The following TMEM181 variants were observed in gnomAD, a reference collection of about 807,000 sequenced individuals.
The protein encoded by TMEM181 is G protein-coupled receptor 178.
In TMEM181, 39 loss-of-function variants were observed where a neutral mutation model predicts 71.9. The observed-to-expected ratio is 0.54, with a 90% CI of 0.42 to 0.71. TMEM181 has a LOEUF of 0.71. Among genes scored for constraint, TMEM181 ranks in the 30% least tolerant of loss-of-function variants. The probability of loss-of-function intolerance (pLI) is 0.00; values close to 1 mark genes in which losing one functional copy is unlikely to be tolerated. For synonymous variants in TMEM181, 245 were observed against 228.8 expected, an observed-to-expected ratio of 1.07 and a Z score of -0.64; for missense variants, 595 against 583.0, an observed-to-expected ratio of 1.02 and a Z score of -0.21.
intron 1 of TMEM181, among the ~76,000 whole-genome samples, chr6:158,548,665 T>G (rs1781620019): frequency 6.6e-6 from 1 of 152,178 alleles, no homozygotes; most frequent in Admixed American, 6.5e-5. Flanking sequence ...GGTGTCTTAT[T>G]GTGAGGCAGC....
chr6:158,579,670 G>C (rs540758158), intron 2 of TMEM181, among the ~76,000 whole-genome samples: 7 of 152,238 alleles, frequency 4.6e-5, no homozygotes, highest in Non-Finnish European at 7.4e-5. Flanking sequence ...AGTGAGCCGA[G>C]ATCCTGCCAT....
At chr6:158,611,273 C>T in intron 10 of TMEM181, 1 of 497,764 alleles carries the variant, frequency 2.0e-6, no homozygotes, top group Non-Finnish European at 4.1e-6. Flanking sequence ...TCAGTCTTGG[C>T]TGGTCCTTCA....
At chr6:158,629,264 C>G (rs755063415) in intron 14 of TMEM181, among the ~76,000 whole-genome samples, 20 of 152,176 alleles carry the variant, frequency 1.3e-4, no homozygotes, top group Non-Finnish European at 2.1e-4. Context: ...GACTGAATTT[C>G]ACACTAAGCT....
Position 158,585,413 on chromosome 6 carries a change from C to T in TMEM181, c.369C>T (p.Leu123=). 1.2e-6 allele frequency: 2 copies of T among 1,608,498 alleles called. No homozygotes were observed. The highest frequency in any genetic ancestry group is 2.2e-5 in the East Asian group (1 of 44,574). Residue 123 remains leucine, a synonymous_variant, in exon 5 of 17, where the codon CTC becomes CTT. Coordinates refer to ENST00000684151, the MANE Select transcript of TMEM181 (RefSeq NM_001376852.1). ...HNKVHNRTRT[L]TCAGKCAEII... is the part of the protein sequence containing the mutation. ...AAGTTCACAACCGGACAAGGACCCT[C>T]ACATGTGCAGGGGTGAGTGTGTGGG...
chr6:158,573,562 C>T (rs1365150304), intron 2 of TMEM181, 39 bp downstream of exon 2: 14 of 1,517,076 alleles, frequency 9.2e-6, no homozygotes, highest in East Asian at 7.2e-5. Context: ...TTTTGCCATG[C>T]GCGGTGGCCC....
chr6:158,566,810 T>C (rs1289399218), intron 1 of TMEM181, among the ~76,000 whole-genome samples: 1 of 151,966 alleles, frequency 6.6e-6, no homozygotes, highest in African/African-American at 2.4e-5. Flanking sequence ...TTCCAGCTCC[T>C]GTCTCATTTG....
At chr6:158,585,950 A>C (rs1400013545) in intron 5 of TMEM181, among the ~76,000 whole-genome samples, 1 of 152,100 alleles carries the variant, frequency 6.6e-6, no homozygotes, top group Non-Finnish European at 1.5e-5. Context: ...TTAACTTCCC[A>C]AGTAACTGGG....
chr6:158,569,351 C>T (rs532566984), intron 1 of TMEM181, among the ~76,000 whole-genome samples: 1 of 152,346 alleles, frequency 6.6e-6, no homozygotes, highest in Admixed American at 6.5e-5. Flanking sequence ...CGCCCACCCT[C>T]TCACCCACGA....
intron 2 of TMEM181, among the ~76,000 whole-genome samples, chr6:158,574,063 C>A (rs1783027406): frequency 6.9e-6 from 1 of 145,538 alleles, no homozygotes; most frequent in Non-Finnish European, 1.5e-5. Context: ...GTGTCTTCAG[C>A]CCCGTGCAGA....
At chr6:158,614,890 A>G (rs1254363745) in intron 10 of TMEM181, among the ~76,000 whole-genome samples, 2 of 152,162 alleles carry the variant, frequency 1.3e-5, no homozygotes, top group African/African-American at 2.4e-5. Flanking sequence ...TCTATCATTG[A>G]TGAACATTTG....
At chr6:158,575,820 T>TC (rs1315477208) in intron 2 of TMEM181, among the ~76,000 whole-genome samples, 1 of 152,196 alleles carries the variant, frequency 6.6e-6, no homozygotes, top group Non-Finnish European at 1.5e-5. Flanking sequence ...TTGTATTTCC[T>TC]CCTTTTGAGT....
intron 10 of TMEM181, chr6:158,610,575 G>A: frequency 2.3e-6 from 1 of 427,242 alleles, no homozygotes; most frequent in Non-Finnish European, 3.8e-6. Context: ...GGACACAGAG[G>A]CATCTCCTCT....
At chr6:158,624,188 C>T (rs1786134316) in intron 11 of TMEM181, among the ~76,000 whole-genome samples, 1 of 152,212 alleles carries the variant, frequency 6.6e-6, no homozygotes. Flanking sequence ...GGAGAACCAG[C>T]CATGTGGGCT....
At chr6:158,567,798 A>C (rs1027684023) in intron 1 of TMEM181, among the ~76,000 whole-genome samples, 6 of 152,224 alleles carry the variant, frequency 3.9e-5, no homozygotes, top group Non-Finnish European at 8.8e-5. Context: ...AAGGGGTTGC[A>C]GTAGTACCTA....
At chr6:158,617,092 G>A (rs1045250427) in intron 10 of TMEM181, among the ~76,000 whole-genome samples, 5 of 152,156 alleles carry the variant, frequency 3.3e-5, no homozygotes, top group African/African-American at 4.8e-5. Flanking sequence ...GGTAGAATTC[G>A]GCTGTGAATC....
chr6:158,583,971 A>G lies in TMEM181; in HGVS notation c.186A>G (p.Ile62Met), dbSNP rs1783617489. 6.2e-7 allele frequency: 1 copy of G among 1,606,394 alleles called. No homozygotes were observed. The highest frequency in any genetic ancestry group is 1.7e-5 in the Admixed American group (1 of 59,156). Residue 62 changes from isoleucine (I) to methionine (M), a missense_variant, in exon 4 of 17, where the codon ATA becomes ATG. Coordinates refer to ENST00000684151, the MANE Select transcript of TMEM181 (RefSeq NM_001376852.1). ...TTCTTCAGCTAAAGCCAATTCAAATACTTTCAAATCCACTGTCTACATACA... is the reference window on the plus strand; with the variant it reads ...TTCTTCAGCTAAAGCCAATTCAAATGCTTTCAAATCCACTGTCTACATACA... The part of the protein sequence containing the change: ...NNSKKLKPIQ[I>M]LSNPLSTYNQ...
intron 10 of TMEM181, among the ~76,000 whole-genome samples, chr6:158,618,907 C>T (rs1414502721): frequency 1.3e-5 from 2 of 152,208 alleles, no homozygotes; most frequent in Non-Finnish European, 2.9e-5. Context: ...ACCTTTCTCT[C>T]TGGCTGCCCT....
At chr6:158,610,595 C>G (rs1245442503) in intron 10 of TMEM181, 5 of 396,152 alleles carry the variant, frequency 1.3e-5, no homozygotes, top group Admixed American at 8.3e-5. Context: ...TTGGAATGTT[C>G]TTCTTTGCTT....
chr6:158,564,205 A>G (rs1293382664), intron 1 of TMEM181, among the ~76,000 whole-genome samples: 3 of 152,218 alleles, frequency 2.0e-5, no homozygotes, highest in Non-Finnish European at 2.9e-5. Flanking sequence ...AGGTTACTTG[A>G]AAAGGAAAGA....
Sources: gnomAD v4.1 joint callset for allele counts (sites outside exome capture counted in the v4.1 genomes callset) on GRCh38, gnomAD v4.1.1 for gene constraint, MANE v1.5 for transcripts, NCBI Gene and HGNC (gene_info 2026-07-23, HGNC 2026-07-21) for gene names.